Variants in HSF2BP observed in about 807,000 individuals in gnomAD.
HSF2BP encodes heat shock factor 2-binding protein.
In HSF2BP, 35 loss-of-function variants were observed where a neutral mutation model predicts 35.0. That is an observed-to-expected ratio of 1.00 (90% CI 0.76 to 1.32). The LOEUF is 1.32. Ranked by LOEUF, HSF2BP falls within the 40% of genes most tolerant of loss-of-function variation. The probability of loss-of-function intolerance (pLI) is 0.00; values close to 1 mark genes in which losing one functional copy is unlikely to be tolerated. For missense variants in HSF2BP, 326 were observed against 321.7 expected (o/e 1.01, Z -0.10); for synonymous variants, 114 against 117.4 (o/e 0.97, Z 0.18).
chr21:43,636,270 A>C (rs1045120447), intron 4 of HSF2BP, among the ~76,000 whole-genome samples: 2 of 141,970 alleles, frequency 1.4e-5, no homozygotes, highest in Non-Finnish European at 3.1e-5. Context: ...AAAGAAAAGA[A>C]AAAACGAAGG....
chr21:43,618,439 T>A (rs1013822764), intron 6 of HSF2BP, among the ~76,000 whole-genome samples: 7 of 152,024 alleles, frequency 4.6e-5, no homozygotes, highest in African/African-American at 1.5e-4. Context: ...GAATTGAGAG[T>A]ACAGAAATAA....
At chr21:43,618,780 C>CAA (rs35186292) in intron 6 of HSF2BP, among the ~76,000 whole-genome samples, 3 of 116,118 alleles carry the variant, frequency 2.6e-5, no homozygotes, top group Non-Finnish European at 1.9e-5. Context: ...ACTAAAAATA[C>CAA]AAAAAAAAAA....
At position 43,604,801 on chromosome 21, in the gene HSF2BP, C is replaced by T. The variant is rs1047733851; in HGVS notation, c.692+9029G>A. ...CACACCACACACATGCCACACTACACGCCACACACACCACCCACATCGCAC... is the reference window on the plus strand; with the variant it reads ...CACACCACACACATGCCACACTACATGCCACACACACCACCCACATCGCAC... On this transcript the variant is annotated intron_variant, in intron 7 of 8. Transcript: ENST00000291560. 2.6e-4 allele frequency among the ~76,000 whole-genome samples: 35 copies of T among 135,292 alleles called. 1 individual carries two copies. Among genetic ancestry groups the T allele is most frequent in the Admixed American group, 9.1e-4 (12 of 13,224 alleles). 88.8% of individuals were successfully genotyped at this position (135,292 alleles called of 152,430 possible).
chr21:43,612,206 G>A (rs1369723614), intron 7 of HSF2BP, among the ~76,000 whole-genome samples: 1 of 152,138 alleles, frequency 6.6e-6, no homozygotes, highest in Admixed American at 6.5e-5. Flanking sequence ...CAGTGATCAC[G>A]TAAATGTCCA....
rs114345368 is a variant in HSF2BP at position 43,584,114 on chromosome 21, G to A, written c.796+8111C>T. 6.3e-3 allele frequency among the ~76,000 whole-genome samples: 929 copies of A among 146,842 alleles called. 13 individuals carry two copies. Among genetic ancestry groups the A allele is most frequent in the African/African-American group, 0.022 (875 of 39,206 alleles). ...GCTGAGGGAGATGAAGACCTGCTAA[G>A]GGGGATAAGGACCTGCCGAAGGAGA... On this transcript the variant is annotated intron_variant, in intron 8 of 8. Coordinates refer to ENST00000291560, the MANE Select transcript of HSF2BP (RefSeq NM_007031.2).
intron 6 of HSF2BP, among the ~76,000 whole-genome samples, chr21:43,628,668 A>G (rs1413431258): frequency 2.0e-5 from 3 of 152,264 alleles, no homozygotes; most frequent in Non-Finnish European, 2.9e-5. Context: ...GAGATTTTCA[A>G]TGTAGACAAA....
intron 3 of HSF2BP, among the ~76,000 whole-genome samples, chr21:43,645,278 G>A (rs2082693787): frequency 1.3e-5 from 2 of 152,156 alleles, no homozygotes; most frequent in South Asian, 4.1e-4. Flanking sequence ...ATAATACAGA[G>A]TCGGCTGGGT....
intron 7 of HSF2BP, among the ~76,000 whole-genome samples, chr21:43,606,979 C>T (rs1013596754): frequency 6.6e-6 from 1 of 152,170 alleles, no homozygotes; most frequent in Non-Finnish European, 1.5e-5. Flanking sequence ...TCCACTCTTA[C>T]CGCACCTATT....
chr21:43,592,476 T>C, intron 7 of HSF2BP, 148 bp from the exon 8 acceptor site: 2 of 576,498 alleles, frequency 3.5e-6, no homozygotes, highest in East Asian at 2.9e-5. Context: ...TAATAACATC[T>C]GTCTACGTGA....
intron 4 of HSF2BP, 106 bp from the exon 5 acceptor site, chr21:43,633,527 A>G (rs1215938570): frequency 2.0e-6 from 2 of 1,007,670 alleles, no homozygotes; most frequent in Non-Finnish European, 2.8e-6. Context: ...ATGCATGTAT[A>G]ATTATAGAAA....
intron 7 of HSF2BP, among the ~76,000 whole-genome samples, chr21:43,601,893 A>T (rs985661446): frequency 6.6e-6 from 1 of 152,246 alleles, no homozygotes; most frequent in African/African-American, 2.4e-5. Flanking sequence ...ATCCCTAATG[A>T]TAACTTTCCT....
chr21:43,624,844 C>G (rs1213567291), intron 6 of HSF2BP, among the ~76,000 whole-genome samples: 1 of 152,076 alleles, frequency 6.6e-6, no homozygotes, highest in South Asian at 2.1e-4. Flanking sequence ...CTCTTTCACA[C>G]TCTTCATTTG....
At chr21:43,475,622 G>A in the HSF2BP span, among the ~76,000 whole-genome samples, 22 of 2,440 alleles carry the variant, frequency 9.0e-3, no homozygotes, top group Non-Finnish European at 0.01. Context: ...AGGCTGAGGC[G>A]GGCAGATCAC....
intron 4 of HSF2BP, among the ~76,000 whole-genome samples, chr21:43,640,094 G>A (rs1421373137): frequency 6.6e-6 from 1 of 152,162 alleles, no homozygotes; most frequent in African/African-American, 2.4e-5. Flanking sequence ...CTGAGCCCAG[G>A]GGTTCAAGAC....
Position 43,574,073 on chromosome 21 carries a change from A to T in HSF2BP, c.796+18152T>A, listed in dbSNP as rs1247113994. Among the ~76,000 whole-genome samples the T allele has an allele frequency of 2.6e-5, 4 of 152,068 alleles. No individual in the cohort carries two copies. The East Asian group carries it at 7.7e-4, about 29-fold the overall frequency. On this transcript the variant is annotated intron_variant, in intron 8 of 8. Coordinates refer to ENST00000291560, the MANE Select transcript of HSF2BP (RefSeq NM_007031.2). ...GAGGCAGCCTTTCATGACCAAGACCACTGTGGCGCTCTCACAGGGGGAGGA... is the reference window on the plus strand; with the variant it reads ...GAGGCAGCCTTTCATGACCAAGACCTCTGTGGCGCTCTCACAGGGGGAGGA...
chr21:43,648,216 A>T (rs1215126431), intron 3 of HSF2BP, among the ~76,000 whole-genome samples: 1 of 152,160 alleles, frequency 6.6e-6, no homozygotes, highest in Non-Finnish European at 1.5e-5. Context: ...CCCAAGAGGC[A>T]GATGTGAAGA....
At chr21:43,644,998 AT>A (rs1003808644) in intron 3 of HSF2BP, among the ~76,000 whole-genome samples, 31 of 152,364 alleles carry the variant, frequency 2.0e-4, no homozygotes, top group African/African-American at 6.5e-4. Flanking sequence ...TCCCAAAAAA[AT>A]CCACGTCAAT....
chr21:43,606,706 G>C (rs2082139443), intron 7 of HSF2BP, among the ~76,000 whole-genome samples: 1 of 152,168 alleles, frequency 6.6e-6, no homozygotes, highest in African/African-American at 2.4e-5. Context: ...CAAGATAGCA[G>C]GAAATGGGGA....
chr21:43,658,920 G>A (rs2082922757), intron 1 of HSF2BP, among the ~76,000 whole-genome samples: 3 of 152,184 alleles, frequency 2.0e-5, no homozygotes, highest in Admixed American at 6.5e-5. Flanking sequence ...CCGGGGGCCC[G>A]GGGGCTCCAC....
Sources: gnomAD v4.1 joint callset for allele counts (sites outside exome capture counted in the v4.1 genomes callset) on GRCh38, gnomAD v4.1.1 for gene constraint, MANE v1.5 for transcripts, NCBI Gene and HGNC (gene_info 2026-07-23, HGNC 2026-07-21) for gene names.